LIN7A: variants seen among roughly 807,000 people sequenced by gnomAD.
The protein encoded by LIN7A is lin-7 cell polarity scaffold A.
LIN7A carries 25 observed loss-of-function variants against 29.8 expected under a neutral mutation model. That is an observed-to-expected ratio of 0.84 (90% confidence interval 0.61 to 1.17). The LOEUF is 1.17. Among genes scored for constraint, LIN7A ranks in the 50% most tolerant of loss-of-function variants. The pLI is 0.00. For synonymous variants in LIN7A, 118 were observed against 107.5 expected (o/e 1.10, Z -0.60); for missense variants, 239 against 287.0 (o/e 0.83, Z 1.21).
chr12:80,848,813 T>C (rs139591550), intron 2 of LIN7A, among the ~76,000 whole-genome samples: 120 of 152,234 alleles, frequency 7.9e-4, no homozygotes, highest in African/African-American at 2.8e-3. Context: ...GAGTGATCCA[T>C]TAGCTATTTC....
intron 2 of LIN7A, among the ~76,000 whole-genome samples, chr12:80,875,192 A>G (rs1425017687): frequency 2.6e-5 from 4 of 152,194 alleles, no homozygotes; most frequent in African/African-American, 4.8e-5. Context: ...TTATTTTCTC[A>G]TCCATAAAAT....
At chr12:80,891,226 T>C (rs1442879172) in intron 1 of LIN7A, among the ~76,000 whole-genome samples, 1 of 152,182 alleles carries the variant, frequency 6.6e-6, no homozygotes, top group African/African-American at 2.4e-5. Flanking sequence ...AGTCTTCTTT[T>C]TTCAGTCCAT....
chr12:80,842,410 A>AT, intron 4 of LIN7A, among the ~76,000 whole-genome samples: 4 of 152,108 alleles, frequency 2.6e-5, no homozygotes, highest in Non-Finnish European at 5.9e-5. Context: ...GGATCTGCCT[A>AT]AATATATATA....
intron 4 of LIN7A, among the ~76,000 whole-genome samples, chr12:80,838,041 G>A (rs975346930): frequency 3.3e-5 from 5 of 152,108 alleles, no homozygotes; most frequent in Non-Finnish European, 5.9e-5. Context: ...ACAATAAATG[G>A]TAAAAATAAC....
chr12:80,929,784 A>G (rs1437888691), intron 1 of LIN7A, among the ~76,000 whole-genome samples: 1 of 152,164 alleles, frequency 6.6e-6, no homozygotes, highest in East Asian at 1.9e-4. Flanking sequence ...AGAGGCAACA[A>G]ATAGATTGCC....
intron 1 of LIN7A, 64 bp downstream of exon 1, chr12:80,937,577 G>A: frequency 6.6e-6 from 8 of 1,212,242 alleles, no homozygotes; most frequent in Non-Finnish European, 8.9e-6. Context: ...TTGGGAATTG[G>A]CAGGCGGGGA....
At chr12:80,893,469 A>G (rs1243849604) in intron 1 of LIN7A, among the ~76,000 whole-genome samples, 1 of 152,224 alleles carries the variant, frequency 6.6e-6, no homozygotes, top group Non-Finnish European at 1.5e-5. Flanking sequence ...AAAAAGAGCC[A>G]TCAAGGAAAC....
At chr12:80,807,041 T>C (rs1488455347) in intron 5 of LIN7A, among the ~76,000 whole-genome samples, 4 of 147,216 alleles carry the variant, frequency 2.7e-5, no homozygotes, top group Non-Finnish European at 4.5e-5. Context: ...GGTGAAACCA[T>C]AGGAAATTTA....
intron 1 of LIN7A, among the ~76,000 whole-genome samples, chr12:80,900,563 A>G (rs542536615): frequency 1.3e-5 from 2 of 152,218 alleles, no homozygotes; most frequent in South Asian, 2.1e-4. Flanking sequence ...ATGTAATTGT[A>G]TGGTTTTGAA....
At chr12:80,921,468 G>A in intron 1 of LIN7A, among the ~76,000 whole-genome samples, 1 of 80,506 alleles carries the variant, frequency 1.2e-5, no homozygotes, top group Non-Finnish European at 2.1e-5. Context: ...CCTGACGAGG[G>A]TCTTCTTCTG....
intron 1 of LIN7A, among the ~76,000 whole-genome samples, chr12:80,906,732 T>C (rs78224831): frequency 0.012 from 1,769 of 152,162 alleles, 16 homozygotes; most frequent in Non-Finnish European, 0.019. Context: ...GCTGATTACC[T>C]GGGTGACAAA....
chr12:80,819,413 C>T (rs1565889065), intron 4 of LIN7A, among the ~76,000 whole-genome samples: 1 of 152,086 alleles, frequency 6.6e-6, no homozygotes, highest in African/African-American at 2.4e-5. Context: ...TCCCATAGTA[C>T]TTTGTTCTTG....
chr12:80,918,130 C>A (rs143420137), intron 1 of LIN7A, among the ~76,000 whole-genome samples: 256 of 152,222 alleles, frequency 1.7e-3, no homozygotes, highest in African/African-American at 5.9e-3. Flanking sequence ...TCATTGCAGC[C>A]TTGATCTCCC....
intron 4 of LIN7A, among the ~76,000 whole-genome samples, chr12:80,836,624 C>A (rs1872598767): frequency 6.6e-6 from 1 of 152,084 alleles, no homozygotes; most frequent in African/African-American, 2.4e-5. Flanking sequence ...CACTGCACTC[C>A]AGCCTGGGCC....
intron 1 of LIN7A, among the ~76,000 whole-genome samples, chr12:80,918,410 A>T (rs909881635): frequency 1.7e-4 from 26 of 152,074 alleles, no homozygotes; most frequent in African/African-American, 6.3e-4. Flanking sequence ...TTAGATCCCA[A>T]ACTAGGTAAT....
At chr12:80,879,964 A>C (rs1277568706) in intron 2 of LIN7A, among the ~76,000 whole-genome samples, 2 of 152,216 alleles carry the variant, frequency 1.3e-5, no homozygotes, top group African/African-American at 2.4e-5. Context: ...TCAACAATGC[A>C]GCCTTAGTCA....
chr12:80,875,778 T>C (rs1874653741), intron 2 of LIN7A, among the ~76,000 whole-genome samples: 1 of 152,218 alleles, frequency 6.6e-6, no homozygotes, highest in African/African-American at 2.4e-5. Flanking sequence ...AATTTTCTGT[T>C]ATGATTATAA....
At chr12:80,935,869 C>T (rs754004116) in intron 1 of LIN7A, 7 of 438,660 alleles carry the variant, frequency 1.6e-5, no homozygotes, top group Non-Finnish European at 3.5e-5. Flanking sequence ...CGATTAGCAC[C>T]TCCTCTCATC....
intron 1 of LIN7A, among the ~76,000 whole-genome samples, chr12:80,921,777 G>C (rs566075874): frequency 7.4e-4 from 112 of 152,258 alleles, no homozygotes; most frequent in African/African-American, 2.5e-3. Context: ...CCTATTGGTG[G>C]TTACCATGTG....
Sources: allele counts gnomAD v4.1 joint callset (sites outside exome capture counted in the v4.1 genomes callset), GRCh38; gene constraint gnomAD v4.1.1; transcripts MANE v1.5; gene names NCBI Gene and HGNC (gene_info 2026-07-23, HGNC 2026-07-21).